SMG6: variants seen among roughly 807,000 people sequenced by gnomAD.
SMG6 encodes telomerase-binding protein EST1A.
A neutral mutation model predicts 142.2 loss-of-function variants in SMG6; 66 were observed. The ratio of observed to expected loss-of-function variants is 0.46; its 90% CI spans 0.38 to 0.57. SMG6 has a LOEUF of 0.57. SMG6 is among the 20% of genes least tolerant of loss of function. SMG6 has a pLI of 0.00. For missense variants in SMG6, 1,793 were observed against 1,832.0 expected, an observed-to-expected ratio of 0.98 and a Z score of 0.39; for synonymous variants, 779 against 702.4, an observed-to-expected ratio of 1.11 and a Z score of -1.72.
chr17:2,225,268 A>G (rs2073283266), intron 10 of SMG6, among the ~76,000 whole-genome samples: 1 of 151,810 alleles, frequency 6.6e-6, no homozygotes, highest in South Asian at 2.1e-4. Context: ...ACTTGAGGTC[A>G]GGAGTTCGAG....
intron 13 of SMG6, among the ~76,000 whole-genome samples, chr17:2,142,076 G>A (rs1387300704): frequency 1.3e-5 from 2 of 151,932 alleles, no homozygotes; most frequent in East Asian, 3.9e-4. Flanking sequence ...TCTCACTATG[G>A]CTGGACTCCA....
intron 10 of SMG6, among the ~76,000 whole-genome samples, chr17:2,217,837 C>T (rs1364771570): frequency 6.6e-6 from 1 of 151,742 alleles, no homozygotes; most frequent in East Asian, 1.9e-4. Flanking sequence ...GGTGAAACCC[C>T]GTCTCTACTA....
At chr17:2,083,000 T>C (rs2068465442) in intron 14 of SMG6, among the ~76,000 whole-genome samples, 1 of 152,224 alleles carries the variant, frequency 6.6e-6, no homozygotes, top group South Asian at 2.1e-4. Flanking sequence ...CCCTATCTTA[T>C]AAATGAACAA....
intron 12 of SMG6, among the ~76,000 whole-genome samples, chr17:2,176,882 A>G (rs1423462847): frequency 2.0e-5 from 3 of 152,232 alleles, no homozygotes; most frequent in African/African-American, 7.2e-5. Flanking sequence ...GTCCACCAGG[A>G]AAGGAAAAAA....
chr17:2,119,555 A>C (rs1414776405), intron 13 of SMG6, among the ~76,000 whole-genome samples: 1 of 152,132 alleles, frequency 6.6e-6, no homozygotes, highest in Non-Finnish European at 1.5e-5. Flanking sequence ...GCCAGAGTAC[A>C]GTGGCACGAT....
At chr17:2,140,869 T>A (rs2070457155) in intron 13 of SMG6, among the ~76,000 whole-genome samples, 1 of 152,124 alleles carries the variant, frequency 6.6e-6, no homozygotes, top group Non-Finnish European at 1.5e-5. Context: ...GCCTTTCAAG[T>A]ATTAGTGCAT....
chr17:2,213,757 C>G (rs2072931711), intron 10 of SMG6: 1 of 152,334 alleles, frequency 6.6e-6, no homozygotes, highest in East Asian at 1.9e-4. Flanking sequence ...GGCTTTGCAT[C>G]CTCCCAGCAA....
intron 11 of SMG6, among the ~76,000 whole-genome samples, chr17:2,187,597 T>C (rs944183090): frequency 6.6e-6 from 1 of 152,118 alleles, no homozygotes; most frequent in Non-Finnish European, 1.5e-5. Context: ...TAAGTATGTG[T>C]GTATGGAAAG....
intron 10 of SMG6, among the ~76,000 whole-genome samples, chr17:2,222,964 G>A (rs999072287): frequency 6.6e-6 from 1 of 152,144 alleles, no homozygotes; most frequent in African/African-American, 2.4e-5. Flanking sequence ...CTCTCTCAGG[G>A]GAGAGGTGAA....
chr17:2,173,548 G>A (rs138379640), intron 12 of SMG6, among the ~76,000 whole-genome samples: 2 of 152,236 alleles, frequency 1.3e-5, no homozygotes, highest in East Asian at 1.9e-4. Flanking sequence ...GTGAGATACA[G>A]GGTGATCAAC....
At chr17:2,142,015 A>G (rs2070495826) in intron 13 of SMG6, among the ~76,000 whole-genome samples, 1 of 152,092 alleles carries the variant, frequency 6.6e-6, no homozygotes, top group Non-Finnish European at 1.5e-5. Context: ...TTTAGTGAGG[A>G]TATTTGGTGA....
Position 2,294,154 on chromosome 17 carries a change from A to G in SMG6, c.2152-1177T>C, listed in dbSNP as rs868840663. On this transcript the variant is annotated intron_variant, in intron 4 of 18. Transcript: ENST00000263073. ...TCACTAAGCGAAATAGCTACTGCAC[A>G]TTAACCTCCTACCTAGCACATAACT... 1.9e-4 allele frequency among the ~76,000 whole-genome samples: 29 copies of G among 152,366 alleles called. No individual in the cohort carries two copies. The Middle Eastern group carries it at 0.01, about 54-fold the overall frequency.
chr17:2,214,156 C>A (rs561245524), intron 10 of SMG6: 34 of 152,370 alleles, frequency 2.2e-4, no homozygotes, highest in African/African-American at 6.3e-4. Context: ...TTGTTCTCAA[C>A]AGCTCCACGA....
Position 2,244,736 on chromosome 17 carries a change from G to A in SMG6, c.2662-17C>T, listed in dbSNP as rs1468314883. The A allele has an allele frequency of 6.2e-7, 1 of 1,608,924 alleles. No individual in the cohort carries two copies. The highest frequency in any genetic ancestry group is 8.5e-7 in the Non-Finnish European group (1 of 1,175,426). On this transcript the variant is annotated splice_polypyrimidine_tract_variant and intron_variant, in intron 8 of 18. Coordinates refer to ENST00000263073, the MANE Select transcript of SMG6 (RefSeq NM_017575.5). ...TTTGTTCAGCTGCATGGGAAAAAGG[G>A]AGAGGAGAAAACAATTAAACTTTCC...
At position 2,125,329 on chromosome 17, in the gene SMG6, A is replaced by G. The variant is rs552983598; in HGVS notation, c.3358-39428T>C. Among the ~76,000 whole-genome samples, 15 of 152,252 alleles carry G rather than the reference A, an allele frequency of 9.9e-5. No individual in the cohort carries two copies. In the South Asian group the frequency reaches 2.3e-3, roughly 23 times the overall value. On this transcript the variant is annotated intron_variant, in intron 13 of 18. Transcript: ENST00000263073. Reference sequence around the variant, plus strand: ...ATACAATCCAGACATCCTGAGACCAATGATGATTCAGATACTACAAGGCCT... The same window carrying G: ...ATACAATCCAGACATCCTGAGACCAGTGATGATTCAGATACTACAAGGCCT...
rs1482778938 is a variant in SMG6, at chr17:2,065,077, G to C, written c.4125C>G (p.Ser1375Arg). 6.2e-7 allele frequency: 1 copy of C among 1,613,262 alleles called. No homozygotes were observed. The change falls in exon 18 of 19, where the codon AGC becomes AGG. Residue 1375 changes from serine (S) to arginine (R), a missense_variant. Ser to Arg is a moderately radical substitution (Grantham distance 110, BLOSUM62 -1). Transcript: ENST00000263073. ...AAGGCGGAGGCAAAGCTGTACCTTT[G>C]CTGGCGGGCATGAAGTCCTTAGCCT... ...KDKAKDFMPA[S>R]KEEPIRLLRE...
At chr17:2,250,218 C>T (rs1021332895) in intron 8 of SMG6, among the ~76,000 whole-genome samples, 2 of 152,058 alleles carry the variant, frequency 1.3e-5, no homozygotes, top group Non-Finnish European at 2.9e-5. Context: ...CCGAAAGAGT[C>T]GTTCCTGCTT....
At chr17:2,084,051 C>T (rs1017043107) in intron 14 of SMG6, among the ~76,000 whole-genome samples, 1 of 152,218 alleles carries the variant, frequency 6.6e-6, no homozygotes, top group African/African-American at 2.4e-5. Flanking sequence ...GTCATCTGTT[C>T]CTTGTGAGGG....
At chr17:2,108,632 GATA>G (rs569642051) in intron 13 of SMG6, among the ~76,000 whole-genome samples, 2 of 151,036 alleles carry the variant, frequency 1.3e-5, no homozygotes, top group African/African-American at 2.4e-5. Context: ...CTCTGTCTCA[GATA>G]ATAATAATAA....
Sources: allele counts gnomAD v4.1 joint callset (sites outside exome capture counted in the v4.1 genomes callset), GRCh38; gene constraint gnomAD v4.1.1; transcripts MANE v1.5; gene names NCBI Gene and HGNC (gene_info 2026-07-23, HGNC 2026-07-21).